SHROOM2: variants seen among roughly 807,000 people sequenced by gnomAD.
The protein encoded by SHROOM2 is shroom family member 2.
In SHROOM2, 33 loss-of-function variants were observed where a neutral mutation model predicts 75.9. The ratio of observed to expected loss-of-function variants is 0.43; its 90% CI spans 0.33 to 0.58. The LOEUF (loss-of-function observed/expected upper bound fraction) is 0.58, where lower values mean the gene tolerates loss of function less well. SHROOM2 is among the 20% of genes least tolerant of loss of function. The probability of loss-of-function intolerance (pLI) is 0.04; values close to 1 mark genes in which losing one functional copy is unlikely to be tolerated. For synonymous variants in SHROOM2, 655 were observed against 663.6 expected, an observed-to-expected ratio of 0.99 and a Z score of 0.20; for missense variants, 1,434 against 1,461.2, an observed-to-expected ratio of 0.98 and a Z score of 0.30.
chrX:9,882,614 G>A (rs747363680), intron 2 of SHROOM2, among the ~76,000 whole-genome samples: 4 of 111,808 alleles, frequency 3.6e-5, no homozygotes, highest in African/African-American at 1.3e-4. Context: ...GCTCGGTTCT[G>A]CCTGTGGCTT....
In SHROOM2 at chrX:9,926,716, G is replaced by T. The variant is rs1055270426; in HGVS notation, c.2892-5459G>T. ...GACACTTTTGCTTTATGATGGTTCG[G>T]TGGATACAAACTTTGTTTCGTGCAC... On this transcript the variant is annotated intron_variant, in intron 5 of 9. Coordinates refer to ENST00000380913, the MANE Select transcript of SHROOM2 (RefSeq NM_001649.4). Among the ~76,000 whole-genome samples, 5 of 111,406 alleles carry T rather than the reference G, an allele frequency of 4.5e-5. No individual in the cohort carries two copies. The Admixed American group carries it at 4.8e-4, about 11-fold the overall frequency.
In SHROOM2 at chrX:9,786,680, C is replaced by G. The variant is rs1473802689; in HGVS notation, c.135C>G (p.Arg45=). 5 of 887,338 alleles carry G rather than the reference C, an allele frequency of 5.6e-6. No individual in the cohort carries two copies. The highest frequency in any genetic ancestry group is 6.9e-6 in the Non-Finnish European group (5 of 724,098). The allele number at this position is 887,338 out of a possible 1,213,427, so 73.1% of individuals were successfully genotyped here. ...GGGGCTTCACCCTGAAGGGCGGCCG[C>G]GAGCACGGCGAGCCGCTGGTCATCA... ...APWGFTLKGG[R]EHGEPLVITK... is the part of the protein sequence containing the mutation. The change falls in exon 1 of 10, where the codon CGC becomes CGG. Residue 45 remains arginine, a synonymous_variant. Transcript: ENST00000380913.
At chrX:9,857,669 G>A (rs930929435) in intron 1 of SHROOM2, among the ~76,000 whole-genome samples, 1 of 111,669 alleles carries the variant, frequency 9.0e-6, no homozygotes, top group Non-Finnish European at 1.9e-5. Context: ...GATTATAGGT[G>A]TGAGTCACTG....
At position 9,896,058 on chromosome X, in the gene SHROOM2, G is replaced by A. The variant is rs756127384; in HGVS notation, c.2150G>A (p.Arg717Gln). ...GDLYPESLEH[R>Q]MGDPDTVPHF... Reference sequence around the variant, plus strand: ...CTATACCCGGAGTCACTGGAACACCGGATGGGGGATCCAGACACTGTCCCC... The same window carrying A: ...CTATACCCGGAGTCACTGGAACACCAGATGGGGGATCCAGACACTGTCCCC... Residue 717 changes from arginine to glutamine, a missense_variant, in exon 4 of 10, where the codon CGG (arginine) becomes CAG (glutamine). Physicochemically the swap from Arg to Gln is conservative, Grantham distance 43 (BLOSUM62 1). Transcript: ENST00000380913. 14 of 1,210,721 alleles carry A rather than the reference G, an allele frequency of 1.2e-5. No individual in the cohort carries two copies. The highest frequency in any genetic ancestry group is 3.5e-5 in the South Asian group (2 of 56,844).
intron 5 of SHROOM2, among the ~76,000 whole-genome samples, chrX:9,923,910 C>G (rs1482854824): frequency 8.9e-6 from 1 of 112,270 alleles, no homozygotes; most frequent in Non-Finnish European, 1.9e-5. Context: ...GATTTATCAG[C>G]CTCTCTAATT....
At chrX:9,882,067 G>A (rs2084234085) in intron 2 of SHROOM2, among the ~76,000 whole-genome samples, 1 of 111,340 alleles carries the variant, frequency 9.0e-6, no homozygotes, top group African/African-American at 3.3e-5. Flanking sequence ...AAGGGCTAGG[G>A]GAGATTGTTT....
chrX:9,912,878 A>G (rs2084443422), intron 5 of SHROOM2: 1 of 112,296 alleles, frequency 8.9e-6, no homozygotes, highest in African/African-American at 3.2e-5. Context: ...ACGTATGTGT[A>G]AGGGCATGCT....
chrX:9,833,608 C>CTGTGTGTGTATGTG (rs1428953097), intron 1 of SHROOM2, among the ~76,000 whole-genome samples: 5 of 95,372 alleles, frequency 5.2e-5, no homozygotes, highest in Admixed American at 1.2e-4. Flanking sequence ...CAAGTAGACT[C>CTGTGTGTGTATGTG]TGTGTGTGTG....
chrX:9,830,465 C>T (rs2083909449), intron 1 of SHROOM2, among the ~76,000 whole-genome samples: 1 of 110,368 alleles, frequency 9.1e-6, no homozygotes, highest in Non-Finnish European at 1.9e-5. Flanking sequence ...GATGAATTTC[C>T]GACATAGAGC....
chrX:9,932,439 C>G lies in SHROOM2; in HGVS notation c.3156C>G (p.Ser1052Arg), dbSNP rs1391256854. 2 of 1,207,053 alleles carry G rather than the reference C, an allele frequency of 1.7e-6. No individual in the cohort carries two copies. Among genetic ancestry groups the G allele is most frequent in the East Asian group, 3.0e-5 (1 of 33,686 alleles). The change falls in exon 6 of 10, where the codon AGC becomes AGG. Residue 1052 changes from serine to arginine, a missense_variant. By Grantham distance (110) the Ser-to-Arg change is moderately radical. Around this residue, in one of 3 missense-constraint regions of SHROOM2, gnomAD observed 1,340 missense variants for 1,338.3 expected, o/e 1.00. Transcript: ENST00000380913. Reference protein sequence around the residue: ...HARGQDSWPVSSALLSKRPAP... With the variant: ...HARGQDSWPVRSALLSKRPAP... ...GAGGACAAGACTCGTGGCCAGTGAGCTCAGCCCTGCTCTCCAAGAGGCCAG... is the reference window on the plus strand; with the variant it reads ...GAGGACAAGACTCGTGGCCAGTGAGGTCAGCCCTGCTCTCCAAGAGGCCAG...
intron 1 of SHROOM2, among the ~76,000 whole-genome samples, chrX:9,856,598 T>C: frequency 9.0e-6 from 1 of 111,595 alleles, no homozygotes; most frequent in Non-Finnish European, 1.9e-5. Flanking sequence ...TGGGAAGAGT[T>C]GTTCCATTCT....
chrX:9,944,452 A>G (rs772827425), intron 8 of SHROOM2, among the ~76,000 whole-genome samples, 189 bp from the exon 9 acceptor site: 2 of 112,488 alleles, frequency 1.8e-5, no homozygotes, highest in South Asian at 7.3e-4. Flanking sequence ...CAATAGTGCC[A>G]TTAGGAGTCA....
chrX:9,842,104 A>C (rs2083982243), intron 1 of SHROOM2, among the ~76,000 whole-genome samples: 1 of 111,101 alleles, frequency 9.0e-6, no homozygotes, highest in African/African-American at 3.3e-5. Flanking sequence ...TGTGTTGTAT[A>C]CTGTCTGCAT....
chrX:9,919,578 C>A (rs1427225348), intron 5 of SHROOM2, among the ~76,000 whole-genome samples: 1 of 109,627 alleles, frequency 9.1e-6, no homozygotes, highest in Non-Finnish European at 1.9e-5. Context: ...GATCTGCCCC[C>A]CTCAGCCTCC....
At chrX:9,787,204 C>G (rs1488697037) in intron 1 of SHROOM2, among the ~76,000 whole-genome samples, 2 of 112,393 alleles carry the variant, frequency 1.8e-5, no homozygotes, top group East Asian at 5.6e-4. Context: ...TACTGACTTT[C>G]GGCTTCCAGT....
chrX:9,874,703 A>ATTT, intron 2 of SHROOM2: 1 of 111,064 alleles, frequency 9.0e-6, no homozygotes, highest in Non-Finnish European at 1.9e-5. Flanking sequence ...AAACCAGCCA[A>ATTT]GACAAATTCC....
At chrX:9,916,400 C>T (rs925817500) in intron 5 of SHROOM2, among the ~76,000 whole-genome samples, 2 of 112,201 alleles carry the variant, frequency 1.8e-5, no homozygotes, top group Non-Finnish European at 3.8e-5. Context: ...TGGTGTTTGA[C>T]GTTGTAAATA....
rs1197918774 is a variant in SHROOM2, at chrX:9,896,233, G to C, written c.2325G>C (p.Thr775=). The change falls in exon 4 of 10, where the codon ACG becomes ACC. Residue 775 remains threonine (T), a synonymous_variant. Transcript: ENST00000380913. The stretch of plus-strand genomic sequence containing the variant: ...AGAAGATGAACGAGGTGGGCCTCAC[G>C]AGGGGCTACAGTCCTCACCAGCACC... ...EPEKMNEVGL[T]RGYSPHQHPR... is the part of the protein sequence containing the mutation. 1 of 1,210,759 alleles carries C rather than the reference G, an allele frequency of 8.3e-7. No homozygotes were observed. Among genetic ancestry groups the C allele is most frequent in the African/African-American group, 1.7e-5 (1 of 57,564 alleles).
chrX:9,932,363 C>T lies in SHROOM2; in HGVS notation c.3080C>T (p.Pro1027Leu). The T allele has an allele frequency of 1.7e-6, 2 of 1,210,335 alleles. No homozygotes were observed. Among genetic ancestry groups the T allele is most frequent in the Non-Finnish European group, 2.2e-6 (2 of 894,751 alleles). ...RDYRYSEEST[P>L]ADLGPRAQSP... is the part of the protein sequence containing the mutation. ...TATAGATACTCGGAGGAGAGCACCC[C>T]AGCAGACTTGGGACCCCGAGCCCAG... The change falls in exon 6 of 10, where the codon CCA becomes CTA. Residue 1027 changes from proline (P) to leucine (L), a missense_variant. Physicochemically the swap from Pro to Leu is moderately conservative, Grantham distance 98. Coordinates refer to ENST00000380913, the MANE Select transcript of SHROOM2 (RefSeq NM_001649.4).
Sources: gnomAD v4.1 joint callset for allele counts (sites outside exome capture counted in the v4.1 genomes callset) on GRCh38, gnomAD v4.1.1 for gene constraint, gnomAD v4.1.1 regional missense constraint, MANE v1.5 for transcripts, NCBI Gene and HGNC (gene_info 2026-07-23, HGNC 2026-07-21) for gene names.